The following TIAM1 variants were observed in gnomAD, a reference collection of about 807,000 sequenced individuals.
TIAM1 encodes rho guanine nucleotide exchange factor TIAM1.
In TIAM1, 65 loss-of-function variants were observed where a neutral mutation model predicts 163.5. The observed-to-expected ratio is 0.40, with a 90% CI of 0.33 to 0.49. The LOEUF (loss-of-function observed/expected upper bound fraction) is 0.49. Among genes scored for constraint, TIAM1 ranks in the 20% least tolerant of loss-of-function variants. The probability of loss-of-function intolerance (pLI) is 0.77; values close to 1 mark genes in which losing one functional copy is unlikely to be tolerated. For missense variants in TIAM1, 1,789 were observed against 2,044.7 expected, an observed-to-expected ratio of 0.87 and a Z score of 2.41; for synonymous variants, 833 against 810.1, an observed-to-expected ratio of 1.03 and a Z score of -0.48.
intron 2 of TIAM1, among the ~76,000 whole-genome samples, chr21:31,354,508 A>G (rs1044736347): frequency 2.6e-5 from 4 of 152,034 alleles, no homozygotes; most frequent in African/African-American, 9.7e-5. Context: ...CAAACTCTGG[A>G]CTGAGATAAT....
intron 22 of TIAM1, among the ~76,000 whole-genome samples, chr21:31,140,202 GCTTTCTC>G (rs754324038): frequency 9.9e-5 from 15 of 152,280 alleles, no homozygotes; most frequent in Non-Finnish European, 1.8e-4. Flanking sequence ...GAGATAAGGT[GCTTTCTC>G]TAGCCTACAC....
chr21:31,479,455 A>G (rs76023002), intron 1 of TIAM1, among the ~76,000 whole-genome samples: 340 of 68,020 alleles, frequency 5.0e-3, no homozygotes, highest in Middle Eastern at 0.041. Flanking sequence ...ATGGATGGAT[A>G]GATGGATGGA....
intron 2 of TIAM1, among the ~76,000 whole-genome samples, chr21:31,309,632 T>C (rs1351132403): frequency 6.6e-6 from 1 of 152,124 alleles, no homozygotes; most frequent in Admixed American, 6.5e-5. Context: ...TGAAAAGTCA[T>C]GAGAATGCTT....
At chr21:31,350,193 A>G (rs1053393065) in intron 2 of TIAM1, among the ~76,000 whole-genome samples, 1 of 152,172 alleles carries the variant, frequency 6.6e-6, no homozygotes, top group Non-Finnish European at 1.5e-5. Context: ...ACTGTGGGGA[A>G]GTAGCAGGCC....
chr21:31,142,653 AAAAAAG>A (rs1200407125), intron 20 of TIAM1, among the ~76,000 whole-genome samples: 11 of 151,660 alleles, frequency 7.3e-5, no homozygotes, highest in African/African-American at 1.9e-4. Context: ...AAAAGAAAGA[AAAAAAG>A]AAAAAGAAAA....
At chr21:31,212,606 C>CTTTTTTTTTTTTTTTTTTTTTTTTTTTT (rs35838120) in intron 10 of TIAM1, 1 of 93,742 alleles carries the variant, frequency 1.1e-5, no homozygotes, top group Non-Finnish European at 2.1e-5. Flanking sequence ...GCCTGTGAAT[C>CTTTTTTTTTTTTTTTTTTTTTTTTTTTT]TTTTTTTTTT....
At position 31,505,238 on chromosome 21, in the gene TIAM1, C is replaced by CA. The variant is rs1166467382; in HGVS notation, c.-421-41204dup. The stretch of plus-strand genomic sequence containing the variant: ...CAAGATAGAGATCGTGAATCCACCT[C>CA]ACAGTGTTGACATAGGATTCAATGA... On this transcript the variant is annotated intron_variant, in intron 1 of 28. Transcript: ENST00000286827. 2.0e-5 allele frequency among the ~76,000 whole-genome samples: 3 copies of CA among 152,160 alleles called. No homozygotes were observed. In the East Asian group the frequency reaches 5.8e-4, roughly 29 times the overall value.
At chr21:31,507,605 C>T (rs971852051) in intron 1 of TIAM1, among the ~76,000 whole-genome samples, 4 of 152,050 alleles carry the variant, frequency 2.6e-5, no homozygotes, top group African/African-American at 9.7e-5. Context: ...TATTCAGCAC[C>T]AATTATATGG....
At position 31,118,832 on chromosome 21, in the gene TIAM1, G is replaced by A. The variant is rs1235227803; in HGVS notation, c.*1536C>T. On this transcript the variant is annotated 3_prime_UTR_variant, in exon 28 of 28. Transcript: ENST00000541036. ...CGAAGCCCTGGAAACCCGAAAGGCG[G>A]GGGGAATACAGGGTGGGAACGCAGG... The A allele has an allele frequency of 8.5e-6, 3 of 353,478 alleles. No homozygotes were observed. In the East Asian group the frequency reaches 2.3e-4, roughly 27 times the overall value. 21.9% of individuals were successfully genotyped at this position (353,478 alleles called of 1,614,324 possible). A position where few individuals can be genotyped will look rare whatever the true frequency, so the allele number is the denominator to read the frequency against.
At chr21:31,318,967 G>A (rs921988126) in intron 2 of TIAM1, among the ~76,000 whole-genome samples, 13 of 152,252 alleles carry the variant, frequency 8.5e-5, no homozygotes, top group South Asian at 8.3e-4. Context: ...ACACTCCTGA[G>A]ACCCTCCTGC....
At chr21:31,517,499 G>A (rs1252501351) in intron 1 of TIAM1, among the ~76,000 whole-genome samples, 1 of 152,170 alleles carries the variant, frequency 6.6e-6, no homozygotes, top group African/African-American at 2.4e-5. Flanking sequence ...GCCCTAAAGA[G>A]GGAGGCAGAG....
intron 6 of TIAM1, among the ~76,000 whole-genome samples, chr21:31,241,736 G>T (rs1256971068): frequency 6.6e-6 from 1 of 152,194 alleles, no homozygotes; most frequent in Non-Finnish European, 1.5e-5. Flanking sequence ...GCCAGGAATG[G>T]TGATTCATGC....
chr21:31,245,742 C>T, intron 5 of TIAM1, 82 bp from the exon 6 acceptor site: 1 of 1,237,842 alleles, frequency 8.1e-7, no homozygotes. Context: ...AACATGTGCA[C>T]CCTGTCAGAG....
rs1323880467 is a variant in TIAM1, at chr21:31,118,596, G to A, written c.*1772C>T. The stretch of plus-strand genomic sequence containing the variant: ...CACCCTCTCCAAGCACCAGACTTCC[G>A]AGTGTTTTCAGATGGATGTGTTGCA... On this transcript the variant is annotated 3_prime_UTR_variant, in exon 28 of 28. Transcript: ENST00000541036. 7 of 471,476 alleles carry A rather than the reference G, an allele frequency of 1.5e-5. No individual in the cohort carries two copies. The highest frequency in any genetic ancestry group is 4.7e-5 in the Admixed American group (2 of 42,568). 29.2% of individuals were successfully genotyped at this position (471,476 alleles called of 1,614,324 possible).
rs13433472 is a variant in TIAM1, at chr21:31,301,215, G to A, written c.-188-24307C>T. Among the ~76,000 whole-genome samples the A allele has an allele frequency of 5.5e-3, 840 of 152,314 alleles. 7 individuals are homozygous for A. The highest frequency in any genetic ancestry group is 0.018 in the African/African-American group (734 of 41,570). ...GCTATCCTCACGAGTTCTCCTGGAA[G>A]GATCCAGACCACAACAAGGCCAGGA... On this transcript the variant is annotated intron_variant, in intron 2 of 27. Coordinates refer to ENST00000541036, the MANE Select transcript of TIAM1 (RefSeq NM_001353694.2).
rs754783107 is a variant in TIAM1 at position 31,526,701 on chromosome 21, GTTGT to G, written c.-422+32222_-422+32225del. Among the ~76,000 whole-genome samples, 33 of 151,774 alleles carry G rather than the reference GTTGT, an allele frequency of 2.2e-4. No individual in the cohort carries two copies. In the South Asian group the frequency reaches 3.1e-3, roughly 14 times the overall value. On this transcript the variant is annotated intron_variant, in intron 1 of 28. Coordinates refer to the TIAM1 transcript ENST00000286827. ...CTCAAAAGCTGTATTCTCTTTTTTT[GTTGT>G]TTGTTTGTTTGTTTGTGACAGAGTC...
intron 1 of TIAM1, among the ~76,000 whole-genome samples, chr21:31,488,712 G>A (rs1462210177): frequency 6.6e-6 from 1 of 151,642 alleles, no homozygotes; most frequent in Non-Finnish European, 1.5e-5. Flanking sequence ...ACAGTATGAG[G>A]GAAACCATCC....
At chr21:31,207,565 C>T (rs2086518731) in intron 11 of TIAM1, among the ~76,000 whole-genome samples, 1 of 152,138 alleles carries the variant, frequency 6.6e-6, no homozygotes, top group Non-Finnish European at 1.5e-5. Context: ...CCATTATCTC[C>T]TTCCCTCTTA....
rs1264405813 is a variant in TIAM1 at position 31,223,567 on chromosome 21, C to T, written c.1834G>A (p.Glu612Lys). Residue 612 changes from glutamate to lysine, a missense_variant, in exon 8 of 28, where the codon GAG (glutamate) becomes AAG (lysine). Transcript: ENST00000541036. Reference protein sequence around the residue: ...DQIFVWEQNLEQFQMDLFRFR... With the variant: ...DQIFVWEQNLKQFQMDLFRFR... ...CGAAACAGGTCCATTTGGAACTGCT[C>T]GAGATTTTGCTCCCAGACAAAGATC... is the stretch of plus-strand genomic sequence containing the variant. 2 of 1,597,538 alleles carry T rather than the reference C, an allele frequency of 1.3e-6. No homozygotes were observed. The highest frequency in any genetic ancestry group is 1.4e-5 in the African/African-American group (1 of 74,020).
Sources: allele counts gnomAD v4.1 joint callset (sites outside exome capture counted in the v4.1 genomes callset), GRCh38; gene constraint gnomAD v4.1.1; transcripts MANE v1.5; gene names NCBI Gene and HGNC (gene_info 2026-07-23, HGNC 2026-07-21).